The following PI4K2B variants were observed in gnomAD, a reference collection of about 807,000 sequenced individuals.
PI4K2B encodes the protein phosphatidylinositol 4-kinase type 2-beta.
In PI4K2B, 46 loss-of-function variants were observed where a neutral mutation model predicts 56.6. The ratio of observed to expected loss-of-function variants is 0.81; its 90% CI spans 0.64 to 1.04. The LOEUF (loss-of-function observed/expected upper bound fraction) is 1.04. Among genes scored for constraint, PI4K2B ranks in the 50% least tolerant of loss-of-function variants. The probability of loss-of-function intolerance (pLI) is 0.00; values close to 1 mark genes in which losing one functional copy is unlikely to be tolerated. For missense variants in PI4K2B, 556 were observed against 607.7 expected (o/e 0.91, Z 0.89); for synonymous variants, 211 against 223.8 (o/e 0.94, Z 0.51).
chr4:25,265,198 CAA>C (rs71188933), intron 7 of PI4K2B, among the ~76,000 whole-genome samples: 15 of 65,400 alleles, frequency 2.3e-4, no homozygotes, highest in East Asian at 4.8e-4. Context: ...TCTGTCTCAC[CAA>C]AAAAAAAAAA....
At position 25,269,104 on chromosome 4, in the gene PI4K2B, G is replaced by T. The variant is rs777175982; in HGVS notation, c.1213-40G>T. On this transcript the variant is annotated intron_variant, in intron 8 of 9. Coordinates refer to ENST00000264864, the MANE Select transcript of PI4K2B (RefSeq NM_018323.4). ...TCTGTTTTCAAATATTTATATCAAAGTCTTTATTTTGGGAATTGTTTTTTT... is the reference window on the plus strand; with the variant it reads ...TCTGTTTTCAAATATTTATATCAAATTCTTTATTTTGGGAATTGTTTTTTT... The T allele has an allele frequency of 3.2e-5, 36 of 1,133,846 alleles. No homozygotes were observed. In the South Asian group the frequency reaches 4.3e-4, roughly 13 times the overall value. 70.2% of individuals were successfully genotyped at this position (1,133,846 alleles called of 1,614,324 possible).
intron 9 of PI4K2B, among the ~76,000 whole-genome samples, chr4:25,269,596 G>A (rs568185517): frequency 6.0e-5 from 9 of 149,934 alleles, no homozygotes; most frequent in African/African-American, 9.8e-5. Context: ...CTGAGATCAC[G>A]CCACTGCACT....
At chr4:25,258,882 A>G (rs1490001092) in intron 4 of PI4K2B, among the ~76,000 whole-genome samples, 155 bp from the exon 5 acceptor site, 1 of 152,192 alleles carries the variant, frequency 6.6e-6, no homozygotes, top group East Asian at 1.9e-4. Flanking sequence ...GTGTATAAAA[A>G]TGGTTTTCTT....
In PI4K2B at chr4:25,279,126, G is replaced by C. The variant is rs1717211905; in HGVS notation, c.*1939G>C. The C allele has an allele frequency of 6.6e-6, 1 of 150,536 alleles. No homozygotes were observed. Among genetic ancestry groups the C allele is most frequent in the African/African-American group, 2.4e-5 (1 of 40,910 alleles). The allele number at this position is 150,536 out of a possible 1,614,324, so 9.3% of individuals were successfully genotyped here. A position where few individuals can be genotyped will look rare whatever the true frequency, so the allele number is the denominator to read the frequency against. ...TGTATGTACGTGTTTGGAATATTTAGAATGTTTATGAACACATTTACTATA... is the reference window on the plus strand; with the variant it reads ...TGTATGTACGTGTTTGGAATATTTACAATGTTTATGAACACATTTACTATA... On this transcript the variant is annotated 3_prime_UTR_variant, in exon 10 of 10. Coordinates refer to ENST00000264864, the MANE Select transcript of PI4K2B (RefSeq NM_018323.4).
At chr4:25,267,305 A>C (rs1716701560) in intron 7 of PI4K2B, among the ~76,000 whole-genome samples, 2 of 152,258 alleles carry the variant, frequency 1.3e-5, no homozygotes, top group Non-Finnish European at 2.9e-5. Flanking sequence ...ACTAAAAAGA[A>C]AATTGGACAT....
Position 25,268,702 on chromosome 4 carries a change from A to G in PI4K2B, c.1212+126A>G. 4.8e-6 allele frequency: 3 copies of G among 621,766 alleles called. No individual in the cohort carries two copies. In the East Asian group the frequency reaches 8.9e-5, roughly 18 times the overall value. 38.5% of individuals were successfully genotyped at this position (621,766 alleles called of 1,614,324 possible). On this transcript the variant is annotated intron_variant, in intron 8 of 9. Transcript: ENST00000264864. ...TGCTTGCCATAAAACCTGACAGGAC[A>G]GAGAGGAATTAGCAGTTTTATTTAC...
intron 1 of PI4K2B, among the ~76,000 whole-genome samples, chr4:25,235,814 A>C (rs1309591739): frequency 5.3e-5 from 8 of 152,206 alleles, no homozygotes; most frequent in Admixed American, 5.2e-4. Flanking sequence ...TGTTCTGTGA[A>C]AGTGAGGTGT....
chr4:25,245,296 G>A (rs1415422797), intron 1 of PI4K2B, among the ~76,000 whole-genome samples: 3 of 152,152 alleles, frequency 2.0e-5, no homozygotes, highest in Non-Finnish European at 4.4e-5. Context: ...ATTTTTAGAA[G>A]CGGGACTAAC....
At chr4:25,260,037 A>T (rs926322178) in intron 5 of PI4K2B, among the ~76,000 whole-genome samples, 2 of 152,212 alleles carry the variant, frequency 1.3e-5, no homozygotes, top group Non-Finnish European at 2.9e-5. Flanking sequence ...ACTGGTTCAA[A>T]ATGTTTTCTT....
chr4:25,234,483 G>T, intron 1 of PI4K2B, 52 bp downstream of exon 1: 1 of 1,204,272 alleles, frequency 8.3e-7, no homozygotes, highest in Non-Finnish European at 1.0e-6. Context: ...GGCTGCCCCT[G>T]TCGCCCGGCT....
At chr4:25,269,555 C>T (rs528396391) in intron 9 of PI4K2B, among the ~76,000 whole-genome samples, 211 of 151,070 alleles carry the variant, frequency 1.4e-3, no homozygotes, top group African/African-American at 4.9e-3. Flanking sequence ...AGGAGAATCG[C>T]TTGAACTCGG....
intron 7 of PI4K2B, among the ~76,000 whole-genome samples, chr4:25,267,245 G>A (rs900730908): frequency 2.6e-5 from 4 of 152,222 alleles, no homozygotes; most frequent in African/African-American, 7.2e-5. Flanking sequence ...ATTAAATGTA[G>A]AGGCAGATGA....
chr4:25,259,701 T>TA (rs200120037), intron 5 of PI4K2B, among the ~76,000 whole-genome samples: 18 of 145,644 alleles, frequency 1.2e-4, no homozygotes, highest in Admixed American at 2.7e-4. Context: ...CTGATGAGCT[T>TA]AAAAAAAAAA....
At chr4:25,259,519 G>A (rs1307463821) in intron 5 of PI4K2B, among the ~76,000 whole-genome samples, 1 of 152,098 alleles carries the variant, frequency 6.6e-6, no homozygotes, top group Admixed American at 6.5e-5. Context: ...TGCTTATTTT[G>A]ACATTATGTA....
intron 1 of PI4K2B, among the ~76,000 whole-genome samples, chr4:25,252,017 G>A (rs1716076773): frequency 6.6e-6 from 1 of 152,122 alleles, no homozygotes; most frequent in South Asian, 2.1e-4. Context: ...TAGACACGGG[G>A]TTTTGCCATG....
At chr4:25,254,208 A>G (rs565343783) in intron 2 of PI4K2B, among the ~76,000 whole-genome samples, 1 of 152,348 alleles carries the variant, frequency 6.6e-6, no homozygotes, top group East Asian at 1.9e-4. Context: ...TTTAACAAAT[A>G]CTTGGATGTC....
At chr4:25,271,002 G>C (rs946058597) in intron 9 of PI4K2B, among the ~76,000 whole-genome samples, 25 of 152,180 alleles carry the variant, frequency 1.6e-4, no homozygotes, top group African/African-American at 5.8e-4. Flanking sequence ...AGTCACTGGA[G>C]ATAAAGCAGT....
intron 6 of PI4K2B, among the ~76,000 whole-genome samples, 160 bp downstream of exon 6, chr4:25,260,751 T>G (rs1442936777): frequency 6.6e-6 from 1 of 150,750 alleles, no homozygotes; most frequent in Non-Finnish European, 1.5e-5. Flanking sequence ...TTCCTTTAAG[T>G]TATTCTTCAC....
At chr4:25,262,117 TAAA>T in intron 6 of PI4K2B, among the ~76,000 whole-genome samples, 1 of 151,392 alleles carries the variant, frequency 6.6e-6, no homozygotes, top group South Asian at 2.1e-4. Context: ...TACAAAGAAT[TAAA>T]AAAAAATCTT....
Sources: allele counts gnomAD v4.1 joint callset (sites outside exome capture counted in the v4.1 genomes callset), GRCh38; gene constraint gnomAD v4.1.1; transcripts MANE v1.5; gene names NCBI Gene and HGNC (gene_info 2026-07-23, HGNC 2026-07-21).